The following KLHL32 variants were observed in gnomAD, a reference collection of about 807,000 sequenced individuals.
KLHL32 encodes kelch-like protein 32.
KLHL32 carries 35 observed loss-of-function variants against 64.8 expected under a neutral mutation model. The observed-to-expected ratio is 0.54, with a 90% CI of 0.41 to 0.72. The LOEUF is 0.72. Among genes scored for constraint, KLHL32 ranks in the 30% least tolerant of loss-of-function variants. The probability of loss-of-function intolerance (pLI) is 0.00; values close to 1 mark genes in which losing one functional copy is unlikely to be tolerated. For missense variants in KLHL32, 589 were observed against 768.5 expected, an observed-to-expected ratio of 0.77 and a Z score of 2.76; for synonymous variants, 259 against 281.0, an observed-to-expected ratio of 0.92 and a Z score of 0.78.
intron 3 of KLHL32, among the ~76,000 whole-genome samples, chr6:97,022,427 T>G (rs1287740147): frequency 2.7e-5 from 4 of 150,526 alleles, no homozygotes; most frequent in African/African-American, 7.5e-5. Context: ...CTGTATTACC[T>G]TCTCAGAAAG....
At chr6:96,979,055 T>C (rs939710763) in intron 3 of KLHL32, among the ~76,000 whole-genome samples, 11 of 152,324 alleles carry the variant, frequency 7.2e-5, no homozygotes, top group African/African-American at 2.4e-4. Flanking sequence ...TAGATCTTTG[T>C]CAGATGCATA....
At chr6:97,135,845 ATGGT>A (rs1015394957) in intron 10 of KLHL32, among the ~76,000 whole-genome samples, 5 of 152,184 alleles carry the variant, frequency 3.3e-5, no homozygotes, top group Non-Finnish European at 7.3e-5. Context: ...AATTAAATTG[ATGGT>A]TGGAGAGAAT....
At chr6:97,056,450 G>A (rs1189399133) in intron 4 of KLHL32, among the ~76,000 whole-genome samples, 3 of 152,108 alleles carry the variant, frequency 2.0e-5, no homozygotes, top group Admixed American at 6.5e-5. Context: ...ACTGCTCACT[G>A]TGGGCTTTTA....
At chr6:97,034,685 A>T (rs1429620116) in intron 3 of KLHL32, among the ~76,000 whole-genome samples, 1 of 151,838 alleles carries the variant, frequency 6.6e-6, no homozygotes, top group African/African-American at 2.4e-5. Context: ...TCCTTCACCA[A>T]TGTTTTATAA....
At chr6:97,037,922 A>C (rs1161958389) in intron 3 of KLHL32, among the ~76,000 whole-genome samples, 6 of 152,220 alleles carry the variant, frequency 3.9e-5, no homozygotes, top group Non-Finnish European at 8.8e-5. Flanking sequence ...CAATGGGGAA[A>C]GGCCAGTCTT....
chr6:97,062,364 C>G (rs1167349667), intron 4 of KLHL32: 7 of 152,220 alleles, frequency 4.6e-5, no homozygotes, highest in African/African-American at 1.7e-4. Flanking sequence ...TATACAACAT[C>G]CTTGCTCCTC....
At chr6:97,020,537 A>G (rs1781847414) in intron 3 of KLHL32, among the ~76,000 whole-genome samples, 1 of 150,914 alleles carries the variant, frequency 6.6e-6, no homozygotes, top group South Asian at 2.1e-4. Flanking sequence ...TCAACTCTTT[A>G]CTTAATAGCT....
intron 3 of KLHL32, among the ~76,000 whole-genome samples, 180 bp downstream of exon 3, chr6:96,976,357 G>GCA (rs557716263): frequency 4.6e-4 from 70 of 152,106 alleles, no homozygotes; most frequent in African/African-American, 1.7e-3. Context: ...TCTGGGCAGG[G>GCA]CACCTGGATG....
In KLHL32 at chr6:96,999,053, C is replaced by T. The variant is rs188716639; in HGVS notation, c.204+22876C>T. On this transcript the variant is annotated intron_variant, in intron 3 of 10. Transcript: ENST00000369261. Reference sequence around the variant, plus strand: ...AAAATTTAAGGAGGCATCTAATAGGCAGATTAACAAGGCTGTGGGGAAGTG... The same window carrying T: ...AAAATTTAAGGAGGCATCTAATAGGTAGATTAACAAGGCTGTGGGGAAGTG... 1.8e-3 allele frequency among the ~76,000 whole-genome samples: 281 copies of T among 152,260 alleles called. 1 individual carries two copies. Among genetic ancestry groups the T allele is most frequent in the Middle Eastern group, 3.4e-3 (1 of 294 alleles).
rs200229771 is a variant in KLHL32, at chr6:97,139,434, C to T, written c.*152C>T. The stretch of plus-strand genomic sequence containing the variant: ...AAAAAATGAACAATTTTCTAAAATA[C>T]GTTATTGAAAACTCGTCACCCTTCT... On this transcript the variant is annotated 3_prime_UTR_variant, in exon 11 of 11. Transcript: ENST00000369261. 10 of 659,462 alleles carry T rather than the reference C, an allele frequency of 1.5e-5. No individual in the cohort carries two copies. Among genetic ancestry groups the T allele is most frequent in the East Asian group, 5.7e-5 (2 of 35,352 alleles). The allele number at this position is 659,462 out of a possible 1,614,324, so 40.9% of individuals were successfully genotyped here.
chr6:96,924,986 C>G lies in KLHL32; in HGVS notation c.-106C>G, dbSNP rs1357031279. 2.0e-5 allele frequency: 3 copies of G among 152,282 alleles called. No individual in the cohort carries two copies. The highest frequency in any genetic ancestry group is 1.3e-4 in the Admixed American group (2 of 15,286). 9.4% of individuals were successfully genotyped at this position (152,282 alleles called of 1,614,324 possible). On this transcript the variant is annotated 5_prime_UTR_variant, in exon 1 of 11. Transcript: ENST00000369261. ...AAGGAGAGGCCGGTGCCTGCGCTGC[C>G]GTCTCTGGCACCTAACCCAGCAGAC...
chr6:97,127,621 T>C (rs1799013682), intron 8 of KLHL32, among the ~76,000 whole-genome samples, 159 bp downstream of exon 8: 1 of 152,178 alleles, frequency 6.6e-6, no homozygotes, highest in Non-Finnish European at 1.5e-5. Flanking sequence ...TTTGGTTCCT[T>C]TTTTTGTTTT....
At position 97,140,461 on chromosome 6, in the gene KLHL32, G is replaced by A. The variant is rs1800567617; in HGVS notation, c.*1179G>A. 1 of 151,952 alleles carries A rather than the reference G, an allele frequency of 6.6e-6. No homozygotes were observed. The highest frequency in any genetic ancestry group is 1.5e-5 in the Non-Finnish European group (1 of 67,890). 9.4% of individuals were successfully genotyped at this position (151,952 alleles called of 1,614,324 possible). A position where few individuals can be genotyped will look rare whatever the true frequency, so the allele number is the denominator to read the frequency against. Reference sequence around the variant, plus strand: ...TTTTATTACTATCTCTTTTAATAATGCATAGGAATTCTTTTTTAGACTAGT... The same window carrying A: ...TTTTATTACTATCTCTTTTAATAATACATAGGAATTCTTTTTTAGACTAGT... On this transcript the variant is annotated 3_prime_UTR_variant, in exon 11 of 11. Coordinates refer to ENST00000369261, the MANE Select transcript of KLHL32 (RefSeq NM_052904.4).
the KLHL32 span, among the ~76,000 whole-genome samples, chr6:96,903,354 A>G: frequency 6.6e-6 from 1 of 152,162 alleles, no homozygotes; most frequent in Non-Finnish European, 1.5e-5. Flanking sequence ...TGAATATAAC[A>G]CAATCGAATA....
At chr6:96,997,830 T>TA (rs1372798726) in intron 3 of KLHL32, among the ~76,000 whole-genome samples, 1 of 152,030 alleles carries the variant, frequency 6.6e-6, no homozygotes, top group Non-Finnish European at 1.5e-5. Context: ...ATACAAACCA[T>TA]AAAAAACGTA....
At chr6:96,989,532 T>A (rs1777589086) in intron 3 of KLHL32, among the ~76,000 whole-genome samples, 1 of 152,198 alleles carries the variant, frequency 6.6e-6, no homozygotes, top group African/African-American at 2.4e-5. Context: ...CCTTTAATAT[T>A]TTTTTCTTTC....
the KLHL32 span, among the ~76,000 whole-genome samples, chr6:96,914,001 C>G: frequency 0.32 from 48,743 of 152,022 alleles, 8,067 homozygotes; most frequent in East Asian, 0.45. Context: ...GTAATGAGAA[C>G]CGTCCTTAAA....
rs370512220 is a variant in KLHL32 at position 97,114,277 on chromosome 6, C to A, written c.1122C>A (p.Arg374=). 2.4e-5 allele frequency: 38 copies of A among 1,614,028 alleles called. No individual in the cohort carries two copies. Among genetic ancestry groups the A allele is most frequent in the Non-Finnish European group, 3.1e-5 (36 of 1,180,034 alleles). ...GGACTGCCTGTCGCTATGACCCCCG[C>A]AGTAATTCCTGGGCAGAGATAGCAC... ...AVRTACRYDP[R]SNSWAEIAPM... The change falls in exon 7 of 11, where the codon CGC becomes CGA. Residue 374 remains arginine, a synonymous_variant. Transcript: ENST00000369261.
At chr6:96,932,954 A>T (rs967452626) in intron 1 of KLHL32, among the ~76,000 whole-genome samples, 1 of 152,160 alleles carries the variant, frequency 6.6e-6, no homozygotes, top group African/African-American at 2.4e-5. Flanking sequence ...TATTGTCATT[A>T]CATTTTGTTA....
Sources: gnomAD v4.1 joint callset for allele counts (sites outside exome capture counted in the v4.1 genomes callset) on GRCh38, gnomAD v4.1.1 for gene constraint, MANE v1.5 for transcripts, NCBI Gene and HGNC (gene_info 2026-07-23, HGNC 2026-07-21) for gene names.